The following DHRSX variants were observed in gnomAD, a reference collection of about 807,000 sequenced individuals.
DHRSX encodes the protein dehydrogenase/reductase X-linked.
In DHRSX, 31 loss-of-function variants were observed where a neutral mutation model predicts 34.0. That is an observed-to-expected ratio of 0.91 (90% CI 0.69 to 1.23). The LOEUF is 1.23. DHRSX is among the 50% of genes most tolerant of loss of function. The pLI is 0.00. For synonymous variants in DHRSX, 201 were observed against 183.8 expected (o/e 1.09, Z -0.76); for missense variants, 414 against 428.1 (o/e 0.97, Z 0.29).
At chrX:2,500,786 G>T (rs1411785924) in intron 1 of DHRSX, 31 bp downstream of exon 1, 23 of 641,260 alleles carry the variant, frequency 3.6e-5, no homozygotes, top group South Asian at 7.2e-5. Flanking sequence ...CCGGGTCCCC[G>T]GAGCCCTGAC....
intron 1 of DHRSX, among the ~76,000 whole-genome samples, chrX:2,455,962 C>T (rs2044291298): frequency 6.6e-6 from 1 of 152,042 alleles, no homozygotes; most frequent in Non-Finnish European, 1.5e-5. Flanking sequence ...TTCCACAAAT[C>T]CCCGAGACTT....
intron 3 of DHRSX, among the ~76,000 whole-genome samples, chrX:2,319,542 CAAAA>C (rs776261461): frequency 2.8e-5 from 3 of 107,360 alleles, no homozygotes; most frequent in African/African-American, 7.2e-5. Context: ...GACTCCATCT[CAAAA>C]AAAAAAAAAA....
intron 1 of DHRSX, among the ~76,000 whole-genome samples, chrX:2,453,091 T>C (rs1478457348): frequency 6.6e-6 from 1 of 152,134 alleles, no homozygotes; most frequent in Non-Finnish European, 1.5e-5. Flanking sequence ...GACTGGAAGA[T>C]ACAAGGTGAA....
chrX:2,288,821 C>T (rs2041835201), intron 4 of DHRSX, among the ~76,000 whole-genome samples: 1 of 152,196 alleles, frequency 6.6e-6, no homozygotes, highest in Non-Finnish European at 1.5e-5. Flanking sequence ...CCTTTTGATT[C>T]AAATTCAACC....
At chrX:2,350,106 G>A (rs192041651) in intron 3 of DHRSX, among the ~76,000 whole-genome samples, 1,555 of 152,254 alleles carry the variant, frequency 0.01, 17 homozygotes, top group Middle Eastern at 0.02. Flanking sequence ...AGCACTTTGG[G>A]AGGCTGAGGC....
At position 2,461,939 on chromosome X, in the gene DHRSX, C is replaced by T. The variant is rs187134132; in HGVS notation, c.110-36635G>A. Among the ~76,000 whole-genome samples the T allele has an allele frequency of 7.7e-3, 1,178 of 152,236 alleles. 17 individuals carry two copies. The highest frequency in any genetic ancestry group is 0.027 in the African/African-American group (1,113 of 41,536). The stretch of plus-strand genomic sequence containing the variant: ...CTGGGCTCAAGCGATCCACCGGCCT[C>T]GGCCTCCCAAAGTGCTGGGATCACA... On this transcript the variant is annotated intron_variant, in intron 1 of 6. Coordinates refer to ENST00000334651, the MANE Select transcript of DHRSX (RefSeq NM_145177.3).
chrX:2,421,683 C>G (rs1046895188), intron 2 of DHRSX, among the ~76,000 whole-genome samples: 4 of 152,122 alleles, frequency 2.6e-5, no homozygotes, highest in African/African-American at 9.6e-5. Flanking sequence ...GGGCAGCAGC[C>G]GTGCATTTGC....
chrX:2,362,574 C>T (rs2042946143), intron 3 of DHRSX, among the ~76,000 whole-genome samples: 1 of 152,190 alleles, frequency 6.6e-6, no homozygotes, highest in African/African-American at 2.4e-5. Flanking sequence ...GCTAGGATTG[C>T]CGGCATAAGC....
chrX:2,369,963 T>G (rs1375647428), intron 3 of DHRSX, among the ~76,000 whole-genome samples: 2 of 151,836 alleles, frequency 1.3e-5, no homozygotes, highest in Non-Finnish European at 2.9e-5. Flanking sequence ...TACTGAAATG[T>G]GCATGACAGA....
At chrX:2,273,147 C>T (rs945435327) in intron 4 of DHRSX, among the ~76,000 whole-genome samples, 36 of 152,132 alleles carry the variant, frequency 2.4e-4, no homozygotes, top group Non-Finnish European at 5.0e-4. Context: ...GAGCCGAGAT[C>T]GCACCACTGC....
rs768644878 is a variant in DHRSX at position 2,304,184 on chromosome X, GATGGATGGATGGATGGATAA to G, written c.287-12601_287-12582del. On this transcript the variant is annotated intron_variant, in intron 3 of 6. Transcript: ENST00000334651. ...GGATGGATGAACTGATGGATGGATG[GATGGATGGATGGATGGATAA>G]ATGGATGGATGGATGGATGGATGGA... Among the ~76,000 whole-genome samples, 1,134 of 116,698 alleles carry G rather than the reference GATGGATGGATGGATGGATAA, an allele frequency of 9.7e-3. 18 individuals are homozygous for G. Among genetic ancestry groups the G allele is most frequent in the Middle Eastern group, 0.054 (11 of 202 alleles). 76.6% of individuals were successfully genotyped at this position (116,698 alleles called of 152,430 possible). A position where few individuals can be genotyped will look rare whatever the true frequency, so the allele number is the denominator to read the frequency against.
chrX:2,291,896 ATTTTTTTTTT>A (rs928376249), intron 3 of DHRSX, among the ~76,000 whole-genome samples: 1 of 96,146 alleles, frequency 1.0e-5, no homozygotes, highest in Non-Finnish European at 2.1e-5. Context: ...GTATTTTTGT[ATTTTTTTTTT>A]TTTTTTTTTT....
At chrX:2,272,310 T>C (rs1036960097) in intron 4 of DHRSX, among the ~76,000 whole-genome samples, 4 of 152,088 alleles carry the variant, frequency 2.6e-5, no homozygotes, top group African/African-American at 9.7e-5. Context: ...TGAAGTGTCA[T>C]AAATTCCCAG....
intron 5 of DHRSX, among the ~76,000 whole-genome samples, chrX:2,248,613 C>CAAAAAAAA (rs1357827255): frequency 0.081 from 1,396 of 17,238 alleles, 108 homozygotes; most frequent in African/African-American, 0.19. Context: ...GACTCTGTCT[C>CAAAAAAAA]AAAAAAAAAA....
intron 5 of DHRSX, among the ~76,000 whole-genome samples, chrX:2,246,754 G>GAAAGAAAGAAAGAA (rs2016306990): frequency 7.3e-6 from 1 of 136,948 alleles, no homozygotes; most frequent in African/African-American, 2.7e-5. Flanking sequence ...GAAAGAAAAA[G>GAAAGAAAGAAAGAA]AAAGAAAATA....
chrX:2,483,193 C>T (rs1227194227), intron 1 of DHRSX, among the ~76,000 whole-genome samples: 1 of 152,184 alleles, frequency 6.6e-6, no homozygotes, highest in Non-Finnish European at 1.5e-5. Flanking sequence ...TCCAGCGATC[C>T]TCCCACCTCA....
intron 3 of DHRSX, among the ~76,000 whole-genome samples, chrX:2,301,349 G>C (rs2042007229): frequency 6.6e-6 from 1 of 152,218 alleles, no homozygotes. Flanking sequence ...GGGAGGCGGA[G>C]GTTGCAGTGA....
At chrX:2,366,897 A>G (rs1226007126) in intron 3 of DHRSX, among the ~76,000 whole-genome samples, 1 of 151,966 alleles carries the variant, frequency 6.6e-6, no homozygotes, top group Non-Finnish European at 1.5e-5. Context: ...ACCATGGATC[A>G]TTCGTGTGTA....
intron 4 of DHRSX, among the ~76,000 whole-genome samples, chrX:2,274,897 T>G (rs1244973072): frequency 2.0e-5 from 3 of 152,084 alleles, no homozygotes; most frequent in Non-Finnish European, 1.5e-5. Context: ...CCTCTTCCTA[T>G]GTAAGCAGAG....
Sources: gnomAD v4.1 joint callset for allele counts (sites outside exome capture counted in the v4.1 genomes callset) on GRCh38, gnomAD v4.1.1 for gene constraint, MANE v1.5 for transcripts, NCBI Gene and HGNC (gene_info 2026-07-23, HGNC 2026-07-21) for gene names.